The following DNAAF11 variants were observed in gnomAD, a reference collection of about 807,000 sequenced individuals.
DNAAF11 encodes the protein leucine rich repeat containing 6.
In DNAAF11, 45 loss-of-function variants were observed where a neutral mutation model predicts 60.8. That is an observed-to-expected ratio of 0.74 (90% CI 0.58 to 0.95). DNAAF11 has a LOEUF of 0.95. DNAAF11 is among the 40% of genes least tolerant of loss of function. The pLI is 0.00. For missense variants in DNAAF11, 546 were observed against 546.2 expected (o/e 1.00, Z 0.00); for synonymous variants, 191 against 183.5 (o/e 1.04, Z -0.33).
At chr8:132,624,677 T>C (rs980778147) in intron 6 of DNAAF11, among the ~76,000 whole-genome samples, 1 of 152,152 alleles carries the variant, frequency 6.6e-6, no homozygotes, top group African/African-American at 2.4e-5. Context: ...CCATAAGTTA[T>C]ATATTTTACA....
intron 7 of DNAAF11, among the ~76,000 whole-genome samples, chr8:132,618,616 C>A (rs1261727959): frequency 1.6e-4 from 22 of 136,446 alleles, no homozygotes; most frequent in East Asian, 1.4e-3. Flanking sequence ...AAACAAACAA[C>A]CCCATCAAAA....
intron 11 of DNAAF11, among the ~76,000 whole-genome samples, chr8:132,572,818 C>A (rs1035378214): frequency 2.0e-5 from 3 of 152,164 alleles, no homozygotes; most frequent in Admixed American, 1.3e-4. Context: ...CGCCCTACAG[C>A]CAAGATCAAT....
At chr8:132,579,961 A>G (rs967844135) in intron 11 of DNAAF11, among the ~76,000 whole-genome samples, 2 of 152,054 alleles carry the variant, frequency 1.3e-5, no homozygotes, top group Non-Finnish European at 2.9e-5. Context: ...ATGCCATCAC[A>G]TTCCAGCCTG....
At chr8:132,666,435 T>C (rs1027061336) in intron 1 of DNAAF11, among the ~76,000 whole-genome samples, 2 of 151,736 alleles carry the variant, frequency 1.3e-5, no homozygotes, top group African/African-American at 2.4e-5. Flanking sequence ...AAAAACAAAA[T>C]TAAATTAAAA....
At chr8:132,664,130 C>G (rs958179437) in intron 1 of DNAAF11, among the ~76,000 whole-genome samples, 8 of 152,228 alleles carry the variant, frequency 5.3e-5, no homozygotes, top group African/African-American at 1.4e-4. Flanking sequence ...GATACATAGG[C>G]CTTTACTTAT....
At chr8:132,640,109 C>T (rs904407204) in intron 3 of DNAAF11, among the ~76,000 whole-genome samples, 3 of 152,174 alleles carry the variant, frequency 2.0e-5, no homozygotes, top group African/African-American at 7.2e-5. Context: ...AGACCTTCTT[C>T]AACCCACTTT....
chr8:132,622,142 A>G (rs4395881), intron 7 of DNAAF11, among the ~76,000 whole-genome samples: 432 of 152,312 alleles, frequency 2.8e-3, no homozygotes, highest in African/African-American at 9.8e-3. Context: ...TTGAGTATCC[A>G]TCCTCTCATT....
At chr8:132,593,951 T>C (rs571473551) in intron 10 of DNAAF11, among the ~76,000 whole-genome samples, 42 of 151,936 alleles carry the variant, frequency 2.8e-4, no homozygotes, top group Non-Finnish European at 5.4e-4. Context: ...TAAAAGAAAA[T>C]GTGGGAGAGT....
intron 3 of DNAAF11, among the ~76,000 whole-genome samples, chr8:132,653,097 G>T (rs570278256): frequency 6.6e-6 from 1 of 152,126 alleles, no homozygotes; most frequent in South Asian, 2.1e-4. Context: ...AAAGATGCAG[G>T]TCAAAAGGCA....
At chr8:132,698,234 A>G in the DNAAF11 span, among the ~76,000 whole-genome samples, 7 of 152,204 alleles carry the variant, frequency 4.6e-5, no homozygotes, top group Non-Finnish European at 1.0e-4. Context: ...CACACTTCGT[A>G]ATAGACCATG....
rs943783444 is a variant in DNAAF11, at chr8:132,571,756, G to C, written c.*550C>G. Among the ~76,000 whole-genome samples, 1 of 152,164 alleles carries C rather than the reference G, an allele frequency of 6.6e-6. No homozygotes were observed. The highest frequency in any genetic ancestry group is 2.4e-5 in the African/African-American group (1 of 41,450). Reference sequence around the variant, plus strand: ...TAAGGCTCAGAGAATTAAAGGACTTGCTGAAGGTCTTTACAAAGTGATTGA... The same window carrying C: ...TAAGGCTCAGAGAATTAAAGGACTTCCTGAAGGTCTTTACAAAGTGATTGA... On this transcript the variant is annotated 3_prime_UTR_variant, in exon 12 of 12. Transcript: ENST00000620350.
In DNAAF11 at chr8:132,617,690, T is replaced by C. The variant is rs184552442; in HGVS notation, c.915-2593A>G. 3.3e-5 allele frequency among the ~76,000 whole-genome samples: 5 copies of C among 152,336 alleles called. No homozygotes were observed. The East Asian group carries it at 5.8e-4, about 18-fold the overall frequency. On this transcript the variant is annotated intron_variant, in intron 7 of 11. Transcript: ENST00000620350. ...TAGGAGTGGTGAGAGAGGGCATCCC[T>C]GTCTTTTTGCTTCAAAGAGAATAAA...
chr8:132,607,745 G>C (rs1818268289), intron 10 of DNAAF11, among the ~76,000 whole-genome samples: 1 of 152,040 alleles, frequency 6.6e-6, no homozygotes, highest in Admixed American at 6.6e-5. Context: ...TAATATGCAG[G>C]TTCATTCATG....
intron 10 of DNAAF11, among the ~76,000 whole-genome samples, chr8:132,595,592 A>G (rs901707019): frequency 6.6e-5 from 10 of 152,302 alleles, no homozygotes; most frequent in African/African-American, 2.2e-4. Context: ...AAAAAAAATA[A>G]ATAACAACCA....
intron 2 of DNAAF11, among the ~76,000 whole-genome samples, chr8:132,659,609 G>C (rs1823930402): frequency 6.6e-6 from 1 of 152,120 alleles, no homozygotes; most frequent in Admixed American, 6.5e-5. Context: ...TGAACAATGT[G>C]CCAGAGTTTC....
chr8:132,695,810 A>T, the DNAAF11 span, among the ~76,000 whole-genome samples: 1 of 152,216 alleles, frequency 6.6e-6, no homozygotes, highest in African/African-American at 2.4e-5. Flanking sequence ...TATTCGATTC[A>T]ACCAGAATTA....
intron 1 of DNAAF11, among the ~76,000 whole-genome samples, chr8:132,665,797 C>T (rs1430071344): frequency 6.6e-6 from 1 of 152,202 alleles, no homozygotes; most frequent in African/African-American, 2.4e-5. Flanking sequence ...CACCTGTACT[C>T]GTGTGCTACT....
At chr8:132,658,914 T>C (rs1823858297) in intron 2 of DNAAF11, among the ~76,000 whole-genome samples, 1 of 152,098 alleles carries the variant, frequency 6.6e-6, no homozygotes, top group Non-Finnish European at 1.5e-5. Flanking sequence ...GAAGAGCCTC[T>C]TGGGTAGGGA....
intron 7 of DNAAF11, 64 bp from the exon 8 acceptor site, chr8:132,615,161 T>C (rs1206227953): frequency 2.7e-5 from 24 of 876,266 alleles, no homozygotes; most frequent in Admixed American, 1.0e-4. Context: ...GAAAACCCCA[T>C]CATAAATTCA....
Sources: allele counts gnomAD v4.1 joint callset (sites outside exome capture counted in the v4.1 genomes callset), GRCh38; gene constraint gnomAD v4.1.1; transcripts MANE v1.5; gene names NCBI Gene and HGNC (gene_info 2026-07-23, HGNC 2026-07-21).